MAPKAPK2: variants seen among roughly 807,000 people sequenced by gnomAD.
MAPKAPK2 encodes the protein MAP kinase-activated protein kinase 2.
MAPKAPK2 carries 9 observed loss-of-function variants against 48.8 expected under a neutral mutation model. The ratio of observed to expected loss-of-function variants is 0.18; its 90% CI spans 0.11 to 0.32. The LOEUF (loss-of-function observed/expected upper bound fraction) is 0.32. Among genes scored for constraint, MAPKAPK2 ranks in the 10% least tolerant of loss-of-function variants. The probability of loss-of-function intolerance (pLI) is 1.00; values close to 1 mark genes in which losing one functional copy is unlikely to be tolerated. For synonymous variants in MAPKAPK2, 202 were observed against 190.6 expected (o/e 1.06, Z -0.49); for missense variants, 331 against 498.3 (o/e 0.66, Z 3.20).
intron 1 of MAPKAPK2, among the ~76,000 whole-genome samples, chr1:206,690,490 CAA>C (rs1173875280): frequency 6.6e-6 from 1 of 152,164 alleles, no homozygotes; most frequent in African/African-American, 2.4e-5. Context: ...GTCTAGGAAA[CAA>C]AAGAACCCCT....
At chr1:206,713,637 T>C (rs1572500060) in intron 1 of MAPKAPK2, among the ~76,000 whole-genome samples, 1 of 152,034 alleles carries the variant, frequency 6.6e-6, no homozygotes, top group African/African-American at 2.4e-5. Context: ...GAGGCCGAGG[T>C]GGACAGATCA....
In MAPKAPK2 at chr1:206,729,073, G is replaced by A. The variant is rs1673811630; in HGVS notation, c.458G>A (p.Arg153Gln). Residue 153 changes from arginine (R) to glutamine (Q), a missense_variant, in exon 3 of 10, where the codon CGA becomes CAA. By Grantham distance (43) the Arg-to-Gln change is conservative. This residue lies in a region of MAPKAPK2 where 111 missense variants were observed against 193.6 expected (regional missense o/e 0.57). Coordinates refer to ENST00000367103, the MANE Select transcript of MAPKAPK2 (RefSeq NM_032960.4). ...GAACTCTTTAGCCGAATCCAGGATCGAGGAGACCAGGCATTCACAGAAAGA... is the reference window on the plus strand; with the variant it reads ...GAACTCTTTAGCCGAATCCAGGATCAAGGAGACCAGGCATTCACAGAAAGA... ...GGELFSRIQD[R>Q]GDQAFTEREA... is the part of the protein sequence containing the mutation. The A allele has an allele frequency of 6.2e-7, 1 of 1,614,208 alleles. No individual in the cohort carries two copies. The highest frequency in any genetic ancestry group is 8.5e-7 in the Non-Finnish European group (1 of 1,180,034).
chr1:206,705,695 T>A (rs1362672428), intron 1 of MAPKAPK2, among the ~76,000 whole-genome samples: 2 of 152,224 alleles, frequency 1.3e-5, no homozygotes, highest in African/African-American at 4.8e-5. Context: ...TAGCTCTCCG[T>A]TACCCAGGGA....
intron 3 of MAPKAPK2, 137 bp downstream of exon 3, chr1:206,729,236 G>A (rs1558588451): frequency 1.8e-6 from 2 of 1,137,550 alleles, no homozygotes; most frequent in East Asian, 4.7e-5. Context: ...GGGTGCCTCA[G>A]CTGACCAGGG....
intron 1 of MAPKAPK2, among the ~76,000 whole-genome samples, chr1:206,714,226 A>T (rs1553429967): frequency 6.6e-6 from 1 of 152,172 alleles, no homozygotes; most frequent in Non-Finnish European, 1.5e-5. Context: ...CTCCTTTGTC[A>T]TCCCTAAGGT....
At chr1:206,696,561 AG>A (rs1672630784) in intron 1 of MAPKAPK2, among the ~76,000 whole-genome samples, 1 of 152,178 alleles carries the variant, frequency 6.6e-6, no homozygotes, top group Admixed American at 6.5e-5. Flanking sequence ...AAGGTTAGCC[AG>A]CTGTGGTGGC....
rs570362328 is a variant in MAPKAPK2, at chr1:206,695,600, G to A, written c.279+10092G>A. Reference sequence around the variant, plus strand: ...CTTCTCTGTACCATGCCTGTCCCCCGTCCTGTCTATATCTACCTTTTCCAC... The same window carrying A: ...CTTCTCTGTACCATGCCTGTCCCCCATCCTGTCTATATCTACCTTTTCCAC... On this transcript the variant is annotated intron_variant, in intron 1 of 9. Coordinates refer to ENST00000367103, the MANE Select transcript of MAPKAPK2 (RefSeq NM_032960.4). 5.3e-5 allele frequency among the ~76,000 whole-genome samples: 8 copies of A among 151,622 alleles called. 1 individual carries two copies. Among genetic ancestry groups the A allele is most frequent in the South Asian group, 4.2e-4 (2 of 4,798 alleles).
At chr1:206,691,830 C>T (rs1480282698) in intron 1 of MAPKAPK2, among the ~76,000 whole-genome samples, 5 of 152,082 alleles carry the variant, frequency 3.3e-5, no homozygotes, top group East Asian at 1.9e-4. Flanking sequence ...GATGCCCTTT[C>T]GTAAGCTTAG....
At chr1:206,725,084 C>T (rs1673662892) in intron 1 of MAPKAPK2, among the ~76,000 whole-genome samples, 1 of 152,198 alleles carries the variant, frequency 6.6e-6, no homozygotes, top group African/African-American at 2.4e-5. Context: ...AGCCTAGGTT[C>T]ACTGTGCTAC....
chr1:206,689,520 C>T (rs1262326854), intron 1 of MAPKAPK2, among the ~76,000 whole-genome samples: 1 of 152,174 alleles, frequency 6.6e-6, no homozygotes, highest in Non-Finnish European at 1.5e-5. Flanking sequence ...TTGACCAAGC[C>T]AGCCTCTTTT....
rs1553432790 is a variant in MAPKAPK2 at position 206,732,005 on chromosome 1, G to A, written c.1059+86G>A. On this transcript the variant is annotated intron_variant, in intron 9 of 9. Transcript: ENST00000367103. This position sits in a 1 kb window ranked among gnomAD's most constrained non-coding sequence, Gnocchi z 4.4. ...CCAGGTGTGAGGCGTGGTGCTGGTA[G>A]GGGAGAGCTTGATTCTGCCTCTCTC... 6.2e-7 allele frequency: 1 copy of A among 1,614,094 alleles called. No homozygotes were observed.
At position 206,728,965 on chromosome 1, in the gene MAPKAPK2, T is replaced by A. The variant is rs374775828; in HGVS notation, c.420-70T>A. ...GAAGCCTGGAATGTAAACACTTGAT[T>A]TTTTGGGGGGCAGTGGAGAGTGGCG... On this transcript the variant is annotated intron_variant, in intron 2 of 9. Coordinates refer to ENST00000367103, the MANE Select transcript of MAPKAPK2 (RefSeq NM_032960.4). 361 of 1,611,688 alleles carry A rather than the reference T, an allele frequency of 2.2e-4. 3 individuals are homozygous for A. In the African/African-American group the frequency reaches 4.3e-3, roughly 19 times the overall value.
rs1553432828 is a variant in MAPKAPK2, at chr1:206,732,140, C to A, written c.1059+221C>A. ...CAAACTCAGTGCTGTTTCTTAGAAT[C>A]CTTTTATTCCCTGGGTCTCTAATGG... is the stretch of plus-strand genomic sequence containing the variant. On this transcript the variant is annotated intron_variant, in intron 9 of 9. Coordinates refer to ENST00000367103, the MANE Select transcript of MAPKAPK2 (RefSeq NM_032960.4). The surrounding 1 kb of genome is among the most constrained non-coding windows in gnomAD (Gnocchi z 4.4). 1 of 1,613,870 alleles carries A rather than the reference C, an allele frequency of 6.2e-7. No individual in the cohort carries two copies. Among genetic ancestry groups the A allele is most frequent in the Admixed American group, 1.7e-5 (1 of 60,018 alleles).
Position 206,732,581 on chromosome 1 carries a change from A to C in MAPKAPK2, c.1066A>C (p.Met356Leu). Residue 356 changes from methionine to leucine, a missense_variant, in exon 10 of 10, where the codon ATG (methionine) becomes CTG (leucine). This residue lies in a region of MAPKAPK2 where 124 missense variants were observed against 194.6 expected (regional missense o/e 0.64). Coordinates refer to ENST00000367103, the MANE Select transcript of MAPKAPK2 (RefSeq NM_032960.4). The surrounding 1 kb of genome is among the most constrained non-coding windows in gnomAD (Gnocchi z 4.4). The stretch of plus-strand genomic sequence containing the variant: ...GGTGCTGCCGTGCCCCCAGGAGGAG[A>C]TGACCAGTGCCTTGGCCACAATGCG... Reference protein sequence around the residue: ...KERWEDVKEEMTSALATMRVD... With the variant: ...KERWEDVKEELTSALATMRVD... 6.2e-7 allele frequency: 1 copy of C among 1,613,722 alleles called. No homozygotes were observed. Among genetic ancestry groups the C allele is most frequent in the Non-Finnish European group, 8.5e-7 (1 of 1,179,968 alleles).
At chr1:206,726,846 A>G (rs1269295168) in intron 1 of MAPKAPK2, among the ~76,000 whole-genome samples, 2 of 152,252 alleles carry the variant, frequency 1.3e-5, no homozygotes, top group Non-Finnish European at 2.9e-5. Context: ...CTTGTTGGAA[A>G]TGCTCATTTG....
rs1252261707 is a variant in MAPKAPK2 at position 206,733,359 on chromosome 1, G to T, written c.*641G>T. 6.5e-6 allele frequency: 1 copy of T among 152,838 alleles called. No individual in the cohort carries two copies. The highest frequency in any genetic ancestry group is 6.5e-5 in the Admixed American group (1 of 15,292). The allele number at this position is 152,838 out of a possible 1,614,324, so 9.5% of individuals were successfully genotyped here. A position where few individuals can be genotyped will look rare whatever the true frequency, so the allele number is the denominator to read the frequency against. On this transcript the variant is annotated 3_prime_UTR_variant, in exon 10 of 10. Transcript: ENST00000367103. ...GTGCCTGGGATCGTGCATTTGAGGG[G>T]CCAGGGGCAGGCAGGGCTGCAGAGG...
At chr1:206,701,306 C>T (rs1672784941) in intron 1 of MAPKAPK2, among the ~76,000 whole-genome samples, 1 of 152,194 alleles carries the variant, frequency 6.6e-6, no homozygotes, top group South Asian at 2.1e-4. Context: ...GTGCCAGCCA[C>T]ATTTTAAGTG....
At position 206,685,324 on chromosome 1, in the gene MAPKAPK2, C is replaced by A. The variant is rs1338511158; in HGVS notation, c.95C>A (p.Pro32Gln). 3 of 1,423,272 alleles carry A rather than the reference C, an allele frequency of 2.1e-6. No individual in the cohort carries two copies. The African/African-American group carries it at 4.5e-5, about 21-fold the overall frequency. The allele number at this position is 1,423,272 out of a possible 1,614,324, so 88.2% of individuals were successfully genotyped here. Residue 32 changes from proline to glutamine, a missense_variant, in exon 1 of 10, where the codon CCG becomes CAG. Pro to Gln is a moderately conservative substitution (Grantham distance 76). Transcript: ENST00000367103. ...CCCACCCCTGCCCTGCCGCACCCCC[C>A]GGCGCAGCCGCCGCCGCCGCCCCCG... ...QPPTPALPHP[P>Q]AQPPPPPPQQ...
At chr1:206,730,630 C>A (rs1553432502) in intron 5 of MAPKAPK2, 58 bp from the exon 6 acceptor site, 6 of 1,427,900 alleles carry the variant, frequency 4.2e-6, no homozygotes, top group Non-Finnish European at 5.9e-6. Context: ...CACAGAGAAA[C>A]TGAGTGGATC....
Sources: gnomAD v4.1 joint callset for allele counts (sites outside exome capture counted in the v4.1 genomes callset) on GRCh38, gnomAD v4.1.1 for gene constraint, gnomAD v4.1.1 regional missense constraint, Gnocchi (gnomAD v3.1) non-coding constraint, MANE v1.5 for transcripts, NCBI Gene and HGNC (gene_info 2026-07-23, HGNC 2026-07-21) for gene names.